The following ZFP64 variants were observed in gnomAD, a reference collection of about 807,000 sequenced individuals.
ZFP64 encodes ZFP64 zinc finger protein, also known as zinc finger protein 64.
A neutral mutation model predicts 51.6 loss-of-function variants in ZFP64; 14 were observed. The observed-to-expected ratio is 0.27, with a 90% CI of 0.18 to 0.42. The LOEUF is 0.42. ZFP64 is among the 10% of genes least tolerant of loss of function. The pLI is 1.00. For missense variants in ZFP64, 754 were observed against 906.8 expected (o/e 0.83, Z 2.16); for synonymous variants, 375 against 361.4 (o/e 1.04, Z -0.43).
At chr20:52,109,622 TAAATA>T (rs547506254) in intron 5 of ZFP64, among the ~76,000 whole-genome samples, 1 of 151,564 alleles carries the variant, frequency 6.6e-6, no homozygotes, top group East Asian at 2.0e-4. Context: ...CTACTAAAAA[TAAATA>T]AAAATTAGCT....
intron 5 of ZFP64, among the ~76,000 whole-genome samples, chr20:52,102,239 C>A (rs1600705885): frequency 6.6e-6 from 1 of 152,174 alleles, no homozygotes; most frequent in Admixed American, 6.5e-5. Context: ...AGCTCACAGC[C>A]AGTGGTTCTC....
At chr20:52,138,016 A>C (rs1416425568) in intron 5 of ZFP64, among the ~76,000 whole-genome samples, 1 of 112,920 alleles carries the variant, frequency 8.9e-6, no homozygotes, top group Non-Finnish European at 1.9e-5. Context: ...TCTTTACAAA[A>C]ATAAATAAAT....
rs374360094 is a variant in ZFP64, at chr20:52,127,255, T to C, written c.764-28668A>G. ...GTGAGCCACCACGCCTGGCCCAGAA[T>C]TTTTTTTTTAAAGGAAGTGATACGG... On this transcript the variant is annotated intron_variant, in intron 5 of 8. Coordinates refer to the ZFP64 transcript ENST00000361387. 1.3e-3 allele frequency among the ~76,000 whole-genome samples: 175 copies of C among 135,244 alleles called. 2 individuals carry two copies. The highest frequency in any genetic ancestry group is 3.7e-3 in the African/African-American group (148 of 39,878). 88.7% of individuals were successfully genotyped at this position (135,244 alleles called of 152,430 possible).
chr20:52,127,036 C>G (rs1979479570), intron 5 of ZFP64, among the ~76,000 whole-genome samples: 2 of 151,754 alleles, frequency 1.3e-5, no homozygotes, highest in Admixed American at 6.6e-5. Context: ...ACTGCAACCT[C>G]CACTTCCCAG....
Position 52,187,039 on chromosome 20 carries a change from T to G in ZFP64, c.79A>C (p.Thr27Pro). 6.2e-7 allele frequency: 1 copy of G among 1,611,524 alleles called. No homozygotes were observed. Among genetic ancestry groups the G allele is most frequent in the Non-Finnish European group, 8.5e-7 (1 of 1,177,928 alleles). The change falls in exon 2 of 6, where the codon ACT becomes CCT. Residue 27 changes from threonine (T) to proline (P), a missense_variant. By Grantham distance (38) the Thr-to-Pro change is conservative (BLOSUM62 -1). Coordinates refer to ENST00000216923, the MANE Select transcript of ZFP64 (RefSeq NM_018197.3). ...PGGTTVLVEL[T>P]PDIHICGICK... ...ATGCCGCAGATATGGATGTCGGGAG[T>G]CAGCTCCACCAGCACCGTTGTGCCA...
At chr20:52,127,239 C>A (rs1163229289) in intron 5 of ZFP64, among the ~76,000 whole-genome samples, 2 of 151,772 alleles carry the variant, frequency 1.3e-5, no homozygotes, top group Non-Finnish European at 2.9e-5. Context: ...TGTGAGCCAC[C>A]ACGCCTGGCC....
intron 5 of ZFP64, among the ~76,000 whole-genome samples, chr20:52,115,713 C>T (rs1465244489): frequency 6.6e-6 from 1 of 151,726 alleles, no homozygotes; most frequent in African/African-American, 2.4e-5. Flanking sequence ...TAGCACCCAG[C>T]CTGTACTGGC....
chr20:52,166,068 CG>C, intron 2 of ZFP64, 43 bp from the exon 3 acceptor site: 1 of 1,563,988 alleles, frequency 6.4e-7, no homozygotes, highest in Non-Finnish European at 8.7e-7. Flanking sequence ...TATAAATGCC[CG>C]CTAGCTATGG....
rs779129920 is a variant in ZFP64 at position 52,085,753 on chromosome 20, A to G, written c.1229-487T>C. On this transcript the variant is annotated intron_variant, in intron 8 of 8. Transcript: ENST00000361387. This position sits in a 1 kb window ranked among gnomAD's most constrained non-coding sequence, Gnocchi z 4.3. The stretch of plus-strand genomic sequence containing the variant: ...TTATTGAGCTTGTATTTCAAGTTAA[A>G]GTTTCTTACTTTTATAACTACAGGC... 6.6e-6 allele frequency among the ~76,000 whole-genome samples: 1 copy of G among 152,196 alleles called. No individual in the cohort carries two copies. The highest frequency in any genetic ancestry group is 1.5e-5 in the Non-Finnish European group (1 of 68,028).
intron 8 of ZFP64, among the ~76,000 whole-genome samples, chr20:52,087,357 T>A (rs747242646): frequency 6.7e-4 from 102 of 152,180 alleles, no homozygotes; most frequent in Non-Finnish European, 1.3e-3. Context: ...ACTCACCCAA[T>A]TTTTTTCCCG....
intron 8 of ZFP64, among the ~76,000 whole-genome samples, chr20:52,087,019 CTA>C (rs1426680271): frequency 1.3e-5 from 2 of 152,256 alleles, no homozygotes; most frequent in East Asian, 3.9e-4. Flanking sequence ...GCACATCATT[CTA>C]TTTTGCTCTC....
intron 5 of ZFP64, among the ~76,000 whole-genome samples, chr20:52,135,780 C>T (rs796928291): frequency 1.3e-4 from 20 of 152,114 alleles, no homozygotes; most frequent in African/African-American, 4.1e-4. Flanking sequence ...TGAGCCACTG[C>T]GCCCTGCCAA....
chr20:52,160,718 C>A lies in ZFP64; in HGVS notation c.512-344G>T, dbSNP rs1981719999. ...CCCTTGTATTCACTCTCTCCTTTTTCCTTTTCACAACAGAGATGCACCGTA... is the reference window on the plus strand; with the variant it reads ...CCCTTGTATTCACTCTCTCCTTTTTACTTTTCACAACAGAGATGCACCGTA... On this transcript the variant is annotated intron_variant, in intron 4 of 5. Coordinates refer to ENST00000216923, the MANE Select transcript of ZFP64 (RefSeq NM_018197.3). The surrounding 1 kb of genome is among the most constrained non-coding windows in gnomAD (Gnocchi z 4.2). Among the ~76,000 whole-genome samples the A allele has an allele frequency of 6.6e-6, 1 of 151,932 alleles. No homozygotes were observed.
intron 2 of ZFP64, among the ~76,000 whole-genome samples, chr20:52,166,250 G>T (rs574866615): frequency 1.7e-4 from 26 of 151,814 alleles, no homozygotes; most frequent in African/African-American, 6.0e-4. Flanking sequence ...AATAGCATGG[G>T]GGGGCAGGGT....
chr20:52,188,410 G>T (rs1600827115), intron 1 of ZFP64, among the ~76,000 whole-genome samples: 1 of 143,458 alleles, frequency 7.0e-6, no homozygotes, highest in Non-Finnish European at 1.5e-5. Flanking sequence ...TGCCTCCCGG[G>T]TTCACGCCAT....
At position 52,090,764 on chromosome 20, in the gene ZFP64, A is replaced by C. The variant is rs1477125071; in HGVS notation, c.977-2121T>G. Among the ~76,000 whole-genome samples, 3 of 149,002 alleles carry C rather than the reference A, an allele frequency of 2.0e-5. No homozygotes were observed. In the East Asian group the frequency reaches 5.9e-4, roughly 29 times the overall value. ...CAGTGAGCCGAGATCGTGCCACTGC[A>C]CTCCAACCTGGGTGACAGAGCAAGA... On this transcript the variant is annotated intron_variant, in intron 7 of 8. Transcript: ENST00000361387.
intron 5 of ZFP64, among the ~76,000 whole-genome samples, chr20:52,134,581 C>A (rs373066840): frequency 6.6e-6 from 1 of 152,176 alleles, no homozygotes; most frequent in African/African-American, 2.4e-5. Context: ...TCACAAACTG[C>A]CTTATGGCTT....
chr20:52,170,090 T>G (rs1034567239), intron 2 of ZFP64, among the ~76,000 whole-genome samples: 8 of 152,010 alleles, frequency 5.3e-5, no homozygotes, highest in African/African-American at 1.4e-4. Flanking sequence ...TTTGTCTGTT[T>G]TCACTTTTGT....
intron 5 of ZFP64, among the ~76,000 whole-genome samples, chr20:52,118,358 T>A (rs1216812336): frequency 6.6e-6 from 1 of 152,094 alleles, no homozygotes; most frequent in Non-Finnish European, 1.5e-5. Flanking sequence ...CCCCTACTGG[T>A]TTGAAAGCTC....
Sources: allele counts gnomAD v4.1 joint callset (sites outside exome capture counted in the v4.1 genomes callset), GRCh38; gene constraint gnomAD v4.1.1; non-coding constraint Gnocchi (gnomAD v3.1); transcripts MANE v1.5; gene names NCBI Gene and HGNC (gene_info 2026-07-23, HGNC 2026-07-21).